The following RRP12 variants were observed in gnomAD, a reference collection of about 807,000 sequenced individuals.
RRP12 encodes RRP12-like protein.
In RRP12, 78 loss-of-function variants were observed where a neutral mutation model predicts 157.3. The observed-to-expected ratio is 0.50, with a 90% CI of 0.41 to 0.60. RRP12 has a LOEUF of 0.60. Ranked by LOEUF, RRP12 falls within the 20% of genes least tolerant of loss-of-function variation. The pLI is 0.00. For missense variants in RRP12, 1,521 were observed against 1,679.9 expected (o/e 0.91, Z 1.65); for synonymous variants, 726 against 670.9 (o/e 1.08, Z -1.27).
At position 97,373,721 on chromosome 10, in the gene RRP12, G is replaced by A. The variant is rs1844225740; in HGVS notation, c.1880C>T (p.Pro627Leu). 1 of 1,613,246 alleles carries A rather than the reference G, an allele frequency of 6.2e-7. No homozygotes were observed. The highest frequency in any genetic ancestry group is 8.5e-7 in the Non-Finnish European group (1 of 1,179,314). The stretch of plus-strand genomic sequence containing the variant: ...ATCTGTAGGCCTTGTGCAGAACCCA[G>A]GCAGGAGTGTCCACATCTGGAGAAG... ...TLQWQMWTLL[P>L]GFCTRPTDVA... The change falls in exon 17 of 34, where the codon CCT (proline) becomes CTT (leucine). Residue 627 changes from proline to leucine, a missense_variant. By Grantham distance (98) the Pro-to-Leu change is moderately conservative. Transcript: ENST00000370992.
chr10:97,376,212 C>CTT (rs771016888), intron 15 of RRP12, among the ~76,000 whole-genome samples: 11,576 of 107,452 alleles, frequency 0.11, 1,815 homozygotes, highest in African/African-American at 0.28. Context: ...CTTTTACTTT[C>CTT]TTTTTTTTTT....
rs997647181 is a variant in RRP12 at position 97,358,512 on chromosome 10, C to G, written c.3791+25G>C. 22 of 1,588,534 alleles carry G rather than the reference C, an allele frequency of 1.4e-5. No individual in the cohort carries two copies. The African/African-American group carries it at 2.8e-4, about 20-fold the overall frequency. On this transcript the variant is annotated intron_variant, in intron 33 of 33. Coordinates refer to ENST00000370992, the MANE Select transcript of RRP12 (RefSeq NM_015179.4). ...TCATCCCCACCCATCCTCCAGCCCC[C>G]AGCCTGCCTGGCACAGCGTCATACC...
At chr10:97,368,666 T>C (rs570815953) in intron 25 of RRP12, among the ~76,000 whole-genome samples, 16 of 152,326 alleles carry the variant, frequency 1.1e-4, no homozygotes, top group East Asian at 5.8e-4. Context: ...CCAGGGCTTG[T>C]ATAAATTCGA....
intron 6 of RRP12, among the ~76,000 whole-genome samples, chr10:97,389,607 C>A (rs1844744281): frequency 6.6e-6 from 1 of 152,166 alleles, no homozygotes; most frequent in East Asian, 1.9e-4. Flanking sequence ...CAGTGGGGAA[C>A]CATCACTCAC....
Position 97,398,039 on chromosome 10 carries a change from ATTTTTTTTT to A in RRP12, c.370-1747_370-1739del, listed in dbSNP as rs1184698036. On this transcript the variant is annotated intron_variant, in intron 2 of 33. Coordinates refer to ENST00000370992, the MANE Select transcript of RRP12 (RefSeq NM_015179.4). Reference sequence around the variant, plus strand: ...TATATATATGTATATATATATACGTATTTTTTTTTTTTTTTTTTTTTTTTTTGAGATGGA... The same window carrying A: ...TATATATATGTATATATATATACGTATTTTTTTTTTTTTTTTTGAGATGGA... 3.0e-4 allele frequency among the ~76,000 whole-genome samples: 17 copies of A among 56,032 alleles called. 1 individual carries two copies. The highest frequency in any genetic ancestry group is 4.4e-4 in the Non-Finnish European group (14 of 31,606). The allele number at this position is 56,032 out of a possible 152,430, so 36.8% of individuals were successfully genotyped here. A position where few individuals can be genotyped will look rare whatever the true frequency, so the allele number is the denominator to read the frequency against.
Position 97,366,612 on chromosome 10 carries a change from C to T in RRP12, c.3225G>A (p.Glu1075=). The change falls in exon 28 of 34, where the codon GAG becomes GAA. Residue 1075 remains glutamate, a synonymous_variant. Transcript: ENST00000370992. ...PAQGKGDSIE[E]ILADSEDEED... The stretch of plus-strand genomic sequence containing the variant: ...CCTCGTCCTCTGAGTCAGCTAAAAT[C>T]TCCTCAATGCTAAGGACAAAAAGCC... 1 of 1,612,430 alleles carries T rather than the reference C, an allele frequency of 6.2e-7. No individual in the cohort carries two copies. Among genetic ancestry groups the T allele is most frequent in the Non-Finnish European group, 8.5e-7 (1 of 1,179,076 alleles).
chr10:97,370,716 C>T lies in RRP12; in HGVS notation c.2583G>A (p.Glu861=), dbSNP rs369526222. 1.9e-6 allele frequency: 3 copies of T among 1,614,102 alleles called. No homozygotes were observed. Among genetic ancestry groups the T allele is most frequent in the African/African-American group, 2.7e-5 (2 of 75,036 alleles). The change falls in exon 22 of 34, where the codon GAG becomes GAA. Residue 861 remains glutamate, a splice_region_variant and synonymous_variant. Transcript: ENST00000370992. ...HKEFITALIP[E]VILCTKEVSV... The stretch of plus-strand genomic sequence containing the variant: ...CTCTAAAACACACCCGCACACTCAC[C>T]TCTGGGATGAGGGCAGTGATGAACT...
intron 7 of RRP12, 38 bp from the exon 8 acceptor site, chr10:97,388,417 C>G: frequency 6.2e-7 from 1 of 1,613,126 alleles, no homozygotes; most frequent in Non-Finnish European, 8.5e-7. Context: ...CCAGCCCCGC[C>G]CTACCGCAGG....
intron 15 of RRP12, among the ~76,000 whole-genome samples, chr10:97,376,842 G>A (rs949362516): frequency 4.6e-5 from 7 of 151,156 alleles, no homozygotes; most frequent in African/African-American, 1.7e-4. Context: ...AAAAGGACCA[G>A]TACTTTAAGC....
chr10:97,389,054 T>C (rs1271280232), intron 6 of RRP12, among the ~76,000 whole-genome samples: 1 of 152,164 alleles, frequency 6.6e-6, no homozygotes, highest in Non-Finnish European at 1.5e-5. Context: ...AACAGAAGGT[T>C]AAAAAGTACT....
intron 10 of RRP12, among the ~76,000 whole-genome samples, chr10:97,383,413 C>T (rs914924719): frequency 1.3e-5 from 2 of 152,174 alleles, no homozygotes; most frequent in African/African-American, 4.8e-5. Flanking sequence ...GGGGCTAAAC[C>T]CTTCCTCATG....
intron 27 of RRP12, 50 bp downstream of exon 27, chr10:97,366,692 G>C (rs748317724): frequency 1.2e-6 from 2 of 1,600,886 alleles, no homozygotes; most frequent in Admixed American, 3.4e-5. Flanking sequence ...GCCTGGGCAG[G>C]CCCTTGGGTT....
chr10:97,370,249 C>G lies in RRP12; in HGVS notation c.2715G>C (p.Leu905=). ...QEEALQCYLV[L]IYPGLVGAVT... is the part of the protein sequence containing the mutation. The stretch of plus-strand genomic sequence containing the variant: ...CCGCGCCCACCAGGCCAGGGTAGAT[C>G]AGGACGAGGTAGCACTGCAGGGCCT... Residue 905 remains leucine, a synonymous_variant, in exon 24 of 34, where the codon CTG becomes CTC. Coordinates refer to ENST00000370992, the MANE Select transcript of RRP12 (RefSeq NM_015179.4). The G allele has an allele frequency of 6.2e-7, 1 of 1,600,672 alleles. No individual in the cohort carries two copies. Among genetic ancestry groups the G allele is most frequent in the South Asian group, 1.1e-5 (1 of 88,626 alleles).
intron 29 of RRP12, among the ~76,000 whole-genome samples, chr10:97,365,279 T>TG (rs1326218891): frequency 4.0e-5 from 6 of 149,472 alleles, no homozygotes; most frequent in Non-Finnish European, 7.4e-5. Context: ...GGTGTTTTTT[T>TG]TTTTTTTTTT....
At position 97,400,372 on chromosome 10, in the gene RRP12, TC is replaced by T. The variant is rs1326329427; in HGVS notation, c.301del (p.Asp101ThrfsTer34). 6.2e-7 allele frequency: 1 copy of T among 1,613,260 alleles called. No homozygotes were observed. The highest frequency in any genetic ancestry group is 1.3e-5 in the African/African-American group (1 of 74,670). On this transcript the variant is annotated frameshift_variant, in exon 2 of 34. Transcript: ENST00000370992. LOFTEE classifies it high-confidence loss of function. ...SSGTFLSGLSDCTNVTFSKVQ... is the reference protein window; with the variant it reads ...SSGTFLSGLSXCTNVTFSKVQ... Reference sequence around the variant, plus strand: ...TTTGCTGAAGGTGACGTTTGTGCAGTCGGAAAGGCCACTCAGGAAGGTACCC... The same window carrying T: ...TTTGCTGAAGGTGACGTTTGTGCAGTGGAAAGGCCACTCAGGAAGGTACCC...
intron 8 of RRP12, among the ~76,000 whole-genome samples, chr10:97,387,484 C>T (rs903039221): frequency 6.6e-6 from 1 of 151,994 alleles, no homozygotes; most frequent in African/African-American, 2.4e-5. Context: ...TAGGCGCGTG[C>T]AGCCATGCCC....
At chr10:97,392,860 T>C (rs1441811510) in intron 4 of RRP12, among the ~76,000 whole-genome samples, 1 of 151,984 alleles carries the variant, frequency 6.6e-6, no homozygotes, top group African/African-American at 2.4e-5. Context: ...CCAGCTAATT[T>C]TTGTGTTTTT....
At chr10:97,382,874 G>C (rs1186372095) in intron 10 of RRP12, among the ~76,000 whole-genome samples, 1 of 151,840 alleles carries the variant, frequency 6.6e-6, no homozygotes, top group African/African-American at 2.4e-5. Context: ...CGATTCTCGT[G>C]CCTCAGCCTC....
chr10:97,385,377 T>G, intron 9 of RRP12, 120 bp from the exon 10 acceptor site: 1 of 765,342 alleles, frequency 1.3e-6, no homozygotes, highest in Non-Finnish European at 2.2e-6. Context: ...ACCCTAGCAC[T>G]CACAGCCCCC....
Sources: allele counts gnomAD v4.1 joint callset (sites outside exome capture counted in the v4.1 genomes callset), GRCh38; gene constraint gnomAD v4.1.1; transcripts MANE v1.5; gene names NCBI Gene and HGNC (gene_info 2026-07-23, HGNC 2026-07-21).